ZNF511: variants seen among roughly 807,000 people sequenced by gnomAD.
ZNF511 encodes the protein zinc finger protein 511.
ZNF511 carries 26 observed loss-of-function variants against 24.8 expected under a neutral mutation model. The observed-to-expected ratio is 1.05, with a 90% confidence interval of 0.77 to 1.46. The LOEUF (loss-of-function observed/expected upper bound fraction) is 1.46, where lower values mean the gene tolerates loss of function less well. Among genes scored for constraint, ZNF511 ranks in the 40% most tolerant of loss-of-function variants. The probability of loss-of-function intolerance (pLI) is 0.00; values close to 1 mark genes in which losing one functional copy is unlikely to be tolerated. For missense variants in ZNF511, 358 were observed against 345.0 expected (o/e 1.04, Z -0.30); for synonymous variants, 144 against 139.6 (o/e 1.03, Z -0.22).
At chr10:133,312,301 C>G (rs1848010699) in intron 5 of ZNF511, 1 of 1,216,824 alleles carries the variant, frequency 8.2e-7, no homozygotes, top group Admixed American at 4.2e-5. Context: ...TCTAGCGTCA[C>G]CTGTGCCGTC....
At position 133,310,096 on chromosome 10, in the gene ZNF511, C is replaced by T. The variant is rs1310032521; in HGVS notation, c.430-68C>T. The T allele has an allele frequency of 8.1e-6, 13 of 1,611,376 alleles. No homozygotes were observed. The South Asian group carries it at 1.3e-4, about 16-fold the overall frequency. ...GGACACCTTTCCGCCCTTGGCAGCT[C>T]TGCTACGGGGGCATGGCGGTGGGGG... is the stretch of plus-strand genomic sequence containing the variant. On this transcript the variant is annotated intron_variant, in intron 3 of 5. Transcript: ENST00000361518.
chr10:133,311,949 A>G (rs1847999415), intron 5 of ZNF511, 108 bp downstream of exon 5: 1 of 1,612,462 alleles, frequency 6.2e-7, no homozygotes, highest in Non-Finnish European at 8.5e-7. Context: ...TCAGAAAGGT[A>G]ACGCTGGGTA....
At chr10:133,311,668 G>C in intron 4 of ZNF511, 48 bp from the exon 5 acceptor site, 1 of 1,498,582 alleles carries the variant, frequency 6.7e-7, no homozygotes, top group Non-Finnish European at 9.2e-7. Flanking sequence ...GGAACACAGG[G>C]GCTGTGGGAG....
Position 133,309,468 on chromosome 10 carries a change from G to A in ZNF511, c.227+5G>A, listed in dbSNP as rs1234897587. 2 of 1,611,564 alleles carry A rather than the reference G, an allele frequency of 1.2e-6. No homozygotes were observed. Among genetic ancestry groups the A allele is most frequent in the East Asian group, 2.2e-5 (1 of 44,812 alleles). ...CGACGTGCCTGAGAAGCCCAGGTAA[G>A]CGAATGGGCAGTGCCTAGCCAGTGC... On this transcript the variant is annotated splice_donor_5th_base_variant and intron_variant, in intron 2 of 5. Transcript: ENST00000361518.
At chr10:133,311,506 C>T in intron 4 of ZNF511, 1 of 515,658 alleles carries the variant, frequency 1.9e-6, no homozygotes, top group Non-Finnish European at 3.4e-6. Flanking sequence ...TTATAAGATG[C>T]AGACTCTATT....
At chr10:133,312,201 G>A (rs774339639) in intron 5 of ZNF511, 609 of 1,405,458 alleles carry the variant, frequency 4.3e-4, no homozygotes, top group Non-Finnish European at 5.3e-4. Flanking sequence ...CACCTGTGCC[G>A]TCTGCGTTTC....
chr10:133,311,492 A>G, intron 4 of ZNF511: 1 of 487,016 alleles, frequency 2.1e-6, no homozygotes, highest in South Asian at 3.8e-5. Context: ...TGTTACAGTT[A>G]AGTTTATAAG....
chr10:133,310,366 G>C lies in ZNF511; in HGVS notation c.554+78G>C, dbSNP rs541557011. On this transcript the variant is annotated intron_variant, in intron 4 of 5. Transcript: ENST00000361518. ...TTCCAACTAGCCGGAATGCATAGAC[G>C]GTCAGACTTATTAAGCACTTGTGTG... is the stretch of plus-strand genomic sequence containing the variant. 2.9e-4 allele frequency: 452 copies of C among 1,574,530 alleles called. 1 individual carries two copies. The African/African-American group carries it at 5.5e-3, about 19-fold the overall frequency.
rs948137319 is a variant in ZNF511, at chr10:133,312,925, G to T, written c.*59G>T. The T allele has an allele frequency of 6.2e-7, 1 of 1,611,510 alleles. No individual in the cohort carries two copies. The highest frequency in any genetic ancestry group is 1.3e-5 in the African/African-American group (1 of 75,022). On this transcript the variant is annotated 3_prime_UTR_variant, in exon 6 of 6. Transcript: ENST00000361518. ...CTGCTGGGCGTGGCATCCGCCTTGG[G>T]CCTTTCTCCGACCTTCTGGTGTGGC...
intron 1 of ZNF511, 129 bp from the exon 2 acceptor site, chr10:133,309,261 G>A: frequency 7.4e-7 from 1 of 1,348,302 alleles, no homozygotes. Flanking sequence ...AACGTGGAGT[G>A]GGCGGGGCCT....
chr10:133,308,954 C>A lies in ZNF511; in HGVS notation c.11C>A (p.Pro4His), dbSNP rs1038456044. MQL[P>H]PALCARLAAG... is the part of the protein sequence containing the mutation. ...CCCGCGCCCGGGGTGATGCAGTTGC[C>A]CCCCGCGCTGTGCGCCCGCCTCGCT... is the stretch of plus-strand genomic sequence containing the variant. Residue 4 changes from proline to histidine, a missense_variant, in exon 1 of 6, where the codon CCC becomes CAC. Physicochemically the swap from Pro to His is moderately conservative, Grantham distance 77. Transcript: ENST00000361518. 8.1e-7 allele frequency: 1 copy of A among 1,236,870 alleles called. No individual in the cohort carries two copies. Among genetic ancestry groups the A allele is most frequent in the Non-Finnish European group, 1.0e-6 (1 of 983,772 alleles). 76.6% of individuals were successfully genotyped at this position (1,236,870 alleles called of 1,614,324 possible).
At position 133,312,908 on chromosome 10, in the gene ZNF511, C is replaced by CGT. The variant is rs1564780347; in HGVS notation, c.*44_*45dup. The stretch of plus-strand genomic sequence containing the variant: ...GTGGGGGGCAGTCACCACTGCTGGG[C>CGT]GTGGCATCCGCCTTGGGCCTTTCTC... On this transcript the variant is annotated 3_prime_UTR_variant, in exon 6 of 6. Coordinates refer to ENST00000361518, the MANE Select transcript of ZNF511 (RefSeq NM_145806.4). 6 of 1,613,378 alleles carry CGT rather than the reference C, an allele frequency of 3.7e-6. No individual in the cohort carries two copies. The South Asian group carries it at 6.6e-5, about 18-fold the overall frequency.
At position 133,309,857 on chromosome 10, in the gene ZNF511, G is replaced by A. The variant is rs1847947825; in HGVS notation, c.309G>A (p.Thr103=). ...ACGACTACGAGCACCACTACCACACGCTGCACGGAAATGTTTGCTCCTTTT... is the reference window on the plus strand; with the variant it reads ...ACGACTACGAGCACCACTACCACACACTGCACGGAAATGTTTGCTCCTTTT... ...ALDDYEHHYH[T]LHGNVCSFCK... The change falls in exon 3 of 6, where the codon ACG becomes ACA. Residue 103 remains threonine (T), a synonymous_variant. Coordinates refer to ENST00000361518, the MANE Select transcript of ZNF511 (RefSeq NM_145806.4). The A allele has an allele frequency of 3.1e-6, 5 of 1,613,670 alleles. No individual in the cohort carries two copies. Among genetic ancestry groups the A allele is most frequent in the Non-Finnish European group, 4.2e-6 (5 of 1,180,034 alleles).
At position 133,312,598 on chromosome 10, in the gene ZNF511, C is replaced by A. The variant is rs1373292844; in HGVS notation, c.681-190C>A. 8 of 1,473,902 alleles carry A rather than the reference C, an allele frequency of 5.4e-6. No homozygotes were observed. In the East Asian group the frequency reaches 1.7e-4, roughly 31 times the overall value. 91.3% of individuals were successfully genotyped at this position (1,473,902 alleles called of 1,614,324 possible). A position where few individuals can be genotyped will look rare whatever the true frequency, so the allele number is the denominator to read the frequency against. ...CCAGCGGGTGTGCGTTGGTGGCTGG[C>A]GGGGACCCCCCACAGGAACTAGGTC... On this transcript the variant is annotated intron_variant, in intron 5 of 5. Coordinates refer to ENST00000361518, the MANE Select transcript of ZNF511 (RefSeq NM_145806.4).
intron 1 of ZNF511, 98 bp from the exon 2 acceptor site, chr10:133,309,292 G>A: frequency 6.9e-7 from 1 of 1,459,684 alleles, no homozygotes; most frequent in Non-Finnish European, 9.3e-7. Context: ...GGCGGGACCG[G>A]AGCGCGGGAT....
At position 133,311,550 on chromosome 10, in the gene ZNF511, T is replaced by G; in HGVS notation, c.555-166T>G. 9 of 606,032 alleles carry G rather than the reference T, an allele frequency of 1.5e-5. No homozygotes were observed. In the South Asian group the frequency reaches 1.9e-4, roughly 13 times the overall value. The allele number at this position is 606,032 out of a possible 1,614,324, so 37.5% of individuals were successfully genotyped here. A position where few individuals can be genotyped will look rare whatever the true frequency, so the allele number is the denominator to read the frequency against. ...AATGGCCTTGCTGTAATCATTCTCC[T>G]TTTCCCAGTATCTTAAACCACACTA... On this transcript the variant is annotated intron_variant, in intron 4 of 5. Coordinates refer to ENST00000361518, the MANE Select transcript of ZNF511 (RefSeq NM_145806.4).
chr10:133,312,737 G>A, intron 5 of ZNF511, 51 bp from the exon 6 acceptor site: 1 of 1,613,782 alleles, frequency 6.2e-7, no homozygotes, highest in Non-Finnish European at 8.5e-7. Context: ...TTATGACCTG[G>A]GTTGTTGGTT....
chr10:133,309,713 C>A, intron 2 of ZNF511, 63 bp from the exon 3 acceptor site: 1 of 1,580,946 alleles, frequency 6.3e-7, no homozygotes, highest in Non-Finnish European at 8.7e-7. Flanking sequence ...GGAAACTGTG[C>A]AGAAAGTCCA....
chr10:133,309,270 C>T lies in ZNF511; in HGVS notation c.154-120C>T, dbSNP rs1045258439. The T allele has an allele frequency of 4.0e-5, 55 of 1,379,622 alleles. No homozygotes were observed. The East Asian group carries it at 1.1e-3, about 26-fold the overall frequency. 85.5% of individuals were successfully genotyped at this position (1,379,622 alleles called of 1,614,324 possible). The stretch of plus-strand genomic sequence containing the variant: ...GGCCGGAACGTGGAGTGGGCGGGGC[C>T]TGAGGCTGTGGGGCGGGACCGGAGC... On this transcript the variant is annotated intron_variant, in intron 1 of 5. Transcript: ENST00000361518.
Sources: gnomAD v4.1 joint callset for allele counts on GRCh38, gnomAD v4.1.1 for gene constraint, MANE v1.5 for transcripts, NCBI Gene and HGNC (gene_info 2026-07-23, HGNC 2026-07-21) for gene names.